EPB41L4A: variants seen among roughly 807,000 people sequenced by gnomAD.
EPB41L4A encodes the protein band 4.1-like protein 4A.
Under a neutral mutation model 108.6 loss-of-function variants are expected in EPB41L4A, and 100 were observed. That is an observed-to-expected ratio of 0.92 (90% CI 0.78 to 1.09). EPB41L4A has a LOEUF of 1.09. EPB41L4A is among the 50% of genes least tolerant of loss of function. The pLI is 0.00. For synonymous variants in EPB41L4A, 319 were observed against 289.0 expected, an observed-to-expected ratio of 1.10 and a Z score of -1.05; for missense variants, 1,030 against 842.7, an observed-to-expected ratio of 1.22 and a Z score of -2.75.
chr5:112,228,712 G>A (rs1748650295), intron 12 of EPB41L4A: 1 of 985,316 alleles, frequency 1.0e-6, no homozygotes, highest in Non-Finnish European at 1.2e-6. Context: ...AACTGTGTGA[G>A]TTGCCAAGAA....
At chr5:112,170,419 C>G (rs760046322) in intron 19 of EPB41L4A, 50 bp from the exon 20 acceptor site, 1 of 1,207,726 alleles carries the variant, frequency 8.3e-7, no homozygotes, top group East Asian at 2.3e-5. Context: ...GGTATAAATG[C>G]TAGTATCTTT....
chr5:112,295,553 T>C (rs1753934378), intron 2 of EPB41L4A, among the ~76,000 whole-genome samples: 1 of 152,182 alleles, frequency 6.6e-6, no homozygotes, highest in Non-Finnish European at 1.5e-5. Context: ...GAAAGGCACC[T>C]TTCAGCCCTG....
chr5:112,261,269 AAT>A (rs1442330220), intron 7 of EPB41L4A, among the ~76,000 whole-genome samples: 5 of 152,212 alleles, frequency 3.3e-5, no homozygotes, highest in African/African-American at 4.8e-5. Context: ...CTGTAAAAAT[AAT>A]ATGAGATTGT....
At chr5:112,342,663 T>C (rs1025769226) in intron 1 of EPB41L4A, among the ~76,000 whole-genome samples, 2 of 152,174 alleles carry the variant, frequency 1.3e-5, no homozygotes, top group Non-Finnish European at 1.5e-5. Flanking sequence ...ACTGCCTCCA[T>C]GGCCACCTGG....
intron 12 of EPB41L4A, among the ~76,000 whole-genome samples, chr5:112,154,807 A>G (rs138220246): frequency 0.012 from 1,867 of 152,344 alleles, 18 homozygotes; most frequent in Middle Eastern, 0.027. Context: ...AATACAGTTT[A>G]AAATACTAAA....
chr5:112,376,377 C>A (rs1395629791), intron 1 of EPB41L4A, among the ~76,000 whole-genome samples: 1 of 152,100 alleles, frequency 6.6e-6, no homozygotes. Flanking sequence ...AATAGTGACG[C>A]CACCAAATTC....
chr5:112,201,308 CT>C (rs1762208460), intron 15 of EPB41L4A, among the ~76,000 whole-genome samples: 1 of 152,192 alleles, frequency 6.6e-6, no homozygotes, highest in Non-Finnish European at 1.5e-5. Flanking sequence ...TAGCCTTCCC[CT>C]GGAATACGCC....
chr5:112,290,754 T>C (rs941980308), intron 2 of EPB41L4A, among the ~76,000 whole-genome samples: 6 of 152,182 alleles, frequency 3.9e-5, no homozygotes, highest in African/African-American at 9.7e-5. Context: ...ATTTAAACTC[T>C]GTCCTAGAAG....
At chr5:112,255,286 G>C (rs1273690800) in intron 9 of EPB41L4A, among the ~76,000 whole-genome samples, 1 of 152,016 alleles carries the variant, frequency 6.6e-6, no homozygotes, top group East Asian at 1.9e-4. Context: ...TTATCTTCCT[G>C]TTACCTCTCT....
intron 12 of EPB41L4A, among the ~76,000 whole-genome samples, chr5:112,223,519 C>T (rs1748229256): frequency 6.6e-6 from 1 of 152,120 alleles, no homozygotes; most frequent in Non-Finnish European, 1.5e-5. Context: ...ATCCCCAAAA[C>T]AGAATCCCAA....
chr5:112,249,020 C>G (rs2150404266), intron 9 of EPB41L4A: 2 of 152,260 alleles, frequency 1.3e-5, no homozygotes, highest in South Asian at 4.1e-4. Flanking sequence ...GGCTCACATC[C>G]AAGGTCACAT....
intron 4 of EPB41L4A, among the ~76,000 whole-genome samples, chr5:112,267,587 C>T (rs1397590018): frequency 1.3e-5 from 2 of 152,174 alleles, no homozygotes; most frequent in Non-Finnish European, 1.5e-5. Context: ...CCCTGGCACC[C>T]ACATTCAATC....
intron 1 of EPB41L4A, among the ~76,000 whole-genome samples, chr5:112,365,756 G>A (rs1423648341): frequency 6.6e-6 from 1 of 152,168 alleles, no homozygotes; most frequent in African/African-American, 2.4e-5. Flanking sequence ...CCTCAGATCT[G>A]TGACATTTTC....
chr5:112,236,377 G>A (rs1310569113), intron 11 of EPB41L4A, among the ~76,000 whole-genome samples: 1 of 152,192 alleles, frequency 6.6e-6, no homozygotes, highest in East Asian at 1.9e-4. Flanking sequence ...GTTTGAAGTT[G>A]CAAGCCCTGT....
At chr5:112,342,191 G>C (rs1173242701) in intron 1 of EPB41L4A, among the ~76,000 whole-genome samples, 1 of 152,166 alleles carries the variant, frequency 6.6e-6, no homozygotes, top group African/African-American at 2.4e-5. Flanking sequence ...GTAATGAAGA[G>C]AAATACTATA....
At chr5:112,411,647 T>C (rs1580858935) in intron 1 of EPB41L4A, among the ~76,000 whole-genome samples, 1 of 150,066 alleles carries the variant, frequency 6.7e-6, no homozygotes, top group Middle Eastern at 3.5e-3. Context: ...AAATCACTTG[T>C]CCAATCACAA....
intron 1 of EPB41L4A, among the ~76,000 whole-genome samples, chr5:112,314,213 A>C (rs1008656188): frequency 1.3e-5 from 2 of 151,578 alleles, no homozygotes; most frequent in Admixed American, 6.6e-5. Flanking sequence ...GGTAGACCAA[A>C]CTATTACGGG....
intron 22 of EPB41L4A, among the ~76,000 whole-genome samples, chr5:112,167,016 C>T (rs1002347332): frequency 7.3e-5 from 11 of 151,492 alleles, no homozygotes; most frequent in Admixed American, 2.0e-4. Context: ...TTCTTGTATC[C>T]CGCAAAGTGA....
At chr5:112,228,703 A>G in intron 12 of EPB41L4A, 1 of 985,400 alleles carries the variant, frequency 1.0e-6, no homozygotes, top group South Asian at 4.7e-5. Flanking sequence ...CAGGAATCCA[A>G]CTGTGTGAGT....
Sources: allele counts gnomAD v4.1 joint callset (sites outside exome capture counted in the v4.1 genomes callset), GRCh38; gene constraint gnomAD v4.1.1; transcripts MANE v1.5; gene names NCBI Gene and HGNC (gene_info 2026-07-23, HGNC 2026-07-21).